The following PHLPP2 variants were observed in gnomAD, a reference collection of about 807,000 sequenced individuals.
The protein encoded by PHLPP2 is PH domain leucine-rich repeat-containing protein phosphatase 2.
PHLPP2 carries 66 observed loss-of-function variants against 124.9 expected under a neutral mutation model. That is an observed-to-expected ratio of 0.53 (90% CI 0.43 to 0.65). The LOEUF is 0.65. Among genes scored for constraint, PHLPP2 ranks in the 30% least tolerant of loss-of-function variants. The pLI, the probability that PHLPP2 is intolerant of heterozygous loss-of-function variation, is 0.00. For missense variants in PHLPP2, 1,685 were observed against 1,600.4 expected, an observed-to-expected ratio of 1.05 and a Z score of -0.90; for synonymous variants, 681 against 624.7, an observed-to-expected ratio of 1.09 and a Z score of -1.34.
chr16:71,709,991 A>G (rs2045313110), intron 2 of PHLPP2, among the ~76,000 whole-genome samples: 1 of 152,076 alleles, frequency 6.6e-6, no homozygotes, highest in African/African-American at 2.4e-5. Context: ...ACAGGTGTGC[A>G]CCACCATGCC....
intron 1 of PHLPP2, chr16:71,723,733 CCGCTCGCT>C (rs758750389): frequency 8.5e-5 from 91 of 1,067,090 alleles, no homozygotes; most frequent in Non-Finnish European, 1.1e-4. Flanking sequence ...GCCCGCTCGC[CCGCTCGCT>C]CGCTCGCTGG....
chr16:71,658,626 G>A (rs756345327), intron 14 of PHLPP2, 27 bp downstream of exon 14: 15 of 1,604,108 alleles, frequency 9.4e-6, no homozygotes, highest in Non-Finnish European at 1.2e-5. Context: ...CCCCCAATAA[G>A]GACATCATTC....
rs751529270 is a variant in PHLPP2 at position 71,714,666 on chromosome 16, T to C, written c.130A>G (p.Thr44Ala). 4 of 1,613,664 alleles carry C rather than the reference T, an allele frequency of 2.5e-6. No individual in the cohort carries two copies. The highest frequency in any genetic ancestry group is 2.2e-5 in the East Asian group (1 of 44,882). The change falls in exon 2 of 19, where the codon ACT becomes GCT. Residue 44 changes from threonine to alanine, a missense_variant. Physicochemically the swap from Thr to Ala is moderately conservative, Grantham distance 58 (BLOSUM62 0). Transcript: ENST00000568954. ...YLYGADTTTA[T>A]TTTTTSSSSS... ...GAAGAGGAGGTGGTGGTGGTTGTAG[T>C]GGCAGTGGTAGTGTCTGCTCCATAA...
At chr16:71,686,818 ATTTG>A (rs1389326797) in intron 4 of PHLPP2, among the ~76,000 whole-genome samples, 1 of 148,324 alleles carries the variant, frequency 6.7e-6, no homozygotes, top group African/African-American at 2.5e-5. Context: ...GATATATCAC[ATTTG>A]TTTATCACTT....
At chr16:71,670,342 G>T (rs892881057) in intron 10 of PHLPP2, among the ~76,000 whole-genome samples, 1 of 152,078 alleles carries the variant, frequency 6.6e-6, no homozygotes, top group Non-Finnish European at 1.5e-5. Context: ...ACCTTTAAAG[G>T]GCTAGCTGAG....
intron 15 of PHLPP2, among the ~76,000 whole-genome samples, chr16:71,658,003 T>G (rs2044756285): frequency 6.6e-6 from 1 of 152,206 alleles, no homozygotes; most frequent in Non-Finnish European, 1.5e-5. Flanking sequence ...GTTGTGAAAA[T>G]ATTCAGTATG....
chr16:71,712,597 A>G (rs960015354), intron 2 of PHLPP2, among the ~76,000 whole-genome samples: 2 of 152,226 alleles, frequency 1.3e-5, no homozygotes, highest in Non-Finnish European at 2.9e-5. Context: ...CAGTGTTAAG[A>G]CTTAGAAAAG....
chr16:71,714,381 A>G (rs1264804921), intron 2 of PHLPP2, 131 bp downstream of exon 2: 1 of 1,224,826 alleles, frequency 8.2e-7, no homozygotes, highest in African/African-American at 1.5e-5. Context: ...CCAAGGACAA[A>G]TCTTGAAGCC....
At chr16:71,720,381 G>A (rs949420611) in intron 1 of PHLPP2, among the ~76,000 whole-genome samples, 1 of 152,084 alleles carries the variant, frequency 6.6e-6, no homozygotes, top group Non-Finnish European at 1.5e-5. Context: ...GCCTCCCAAA[G>A]TGTTGGGATT....
intron 3 of PHLPP2, among the ~76,000 whole-genome samples, chr16:71,691,364 G>C (rs2145354764): frequency 6.6e-6 from 1 of 152,188 alleles, no homozygotes; most frequent in Non-Finnish European, 1.5e-5. Flanking sequence ...AGGAAGCTGA[G>C]GCAGGAGAAT....
At chr16:71,715,721 G>C (rs147617968) in intron 1 of PHLPP2, among the ~76,000 whole-genome samples, 3,073 of 149,780 alleles carry the variant, frequency 0.021, 53 homozygotes, top group Non-Finnish European at 0.031. Flanking sequence ...GCTCACACCT[G>C]TAATCCCAAC....
In PHLPP2 at chr16:71,714,730, G is replaced by T; in HGVS notation, c.66C>A (p.Asp22Glu). 1.9e-6 allele frequency: 3 copies of T among 1,614,134 alleles called. No homozygotes were observed. Among genetic ancestry groups the T allele is most frequent in the Non-Finnish European group, 2.5e-6 (3 of 1,180,014 alleles). ...CTCTCTTTACATCTTCTCTTAGCCA[G>T]TCTCTTTCTCGAGAACCAAACCTAC... Reference protein sequence around the residue: ...RRSRFGSRERDWLREDVKRGC... With the variant: ...RRSRFGSREREWLREDVKRGC... The change falls in exon 2 of 19, where the codon GAC becomes GAA. Residue 22 changes from aspartate (D) to glutamate (E), a missense_variant. Coordinates refer to ENST00000568954, the MANE Select transcript of PHLPP2 (RefSeq NM_015020.3).
At chr16:71,723,831 C>G in intron 1 of PHLPP2, 1 of 1,248,138 alleles carries the variant, frequency 8.0e-7, no homozygotes, top group Non-Finnish European at 1.0e-6. Flanking sequence ...TCCGGGGGCT[C>G]CAGCGGGCCC....
At chr16:71,672,595 T>A (rs994054649) in intron 9 of PHLPP2, among the ~76,000 whole-genome samples, 3 of 152,254 alleles carry the variant, frequency 2.0e-5, no homozygotes, top group Non-Finnish European at 4.4e-5. Flanking sequence ...AGTAACTACT[T>A]AGCTTTTTAA....
At chr16:71,689,693 C>T (rs901587736) in intron 4 of PHLPP2, among the ~76,000 whole-genome samples, 2 of 152,044 alleles carry the variant, frequency 1.3e-5, no homozygotes, top group East Asian at 1.9e-4. Flanking sequence ...CCACCGCACC[C>T]GGCCAAGACA....
chr16:71,663,002 T>C (rs1275551741), intron 13 of PHLPP2, among the ~76,000 whole-genome samples: 1 of 152,224 alleles, frequency 6.6e-6, no homozygotes, highest in Non-Finnish European at 1.5e-5. Context: ...CTAACTACTA[T>C]TCATCTCTTC....
At chr16:71,656,501 C>T in intron 16 of PHLPP2, 70 bp downstream of exon 16, 2 of 823,166 alleles carry the variant, frequency 2.4e-6, no homozygotes, top group Non-Finnish European at 4.3e-6. Flanking sequence ...CTATTATGAG[C>T]ATCAGGCCAG....
At chr16:71,678,435 C>A (rs570545645) in intron 8 of PHLPP2, 2 of 237,994 alleles carry the variant, frequency 8.4e-6, no homozygotes, top group Non-Finnish European at 1.6e-5. Flanking sequence ...TCCAGGAGTT[C>A]GAGACCTGCC....
intron 18 of PHLPP2, among the ~76,000 whole-genome samples, chr16:71,651,235 G>A (rs1160215843): frequency 5.3e-5 from 8 of 152,110 alleles, no homozygotes; most frequent in Non-Finnish European, 1.2e-4. Context: ...CTACTCGGGA[G>A]GCTGAGGCAG....
Sources: allele counts gnomAD v4.1 joint callset (sites outside exome capture counted in the v4.1 genomes callset), GRCh38; gene constraint gnomAD v4.1.1; transcripts MANE v1.5; gene names NCBI Gene and HGNC (gene_info 2026-07-23, HGNC 2026-07-21).